ANKMY1: variants seen among roughly 807,000 people sequenced by gnomAD.
ANKMY1 encodes the protein ankyrin repeat and MYND domain containing 1, also known as ankyrin repeat and MYND domain-containing protein 1.
A neutral mutation model predicts 102.0 loss-of-function variants in ANKMY1; 98 were observed. The ratio of observed to expected loss-of-function variants is 0.96; its 90% CI spans 0.82 to 1.14. ANKMY1 has a LOEUF of 1.14. ANKMY1 is among the 50% of genes most tolerant of loss of function. ANKMY1 has a pLI of 0.00. For synonymous variants in ANKMY1, 582 were observed against 559.9 expected, an observed-to-expected ratio of 1.04 and a Z score of -0.56; for missense variants, 1,330 against 1,347.6, an observed-to-expected ratio of 0.99 and a Z score of 0.20.
intron 10 of ANKMY1, 150 bp from the exon 11 acceptor site, chr2:240,512,151 G>T: frequency 2.0e-6 from 2 of 996,450 alleles, no homozygotes; most frequent in Admixed American, 3.8e-5. Context: ...GACTTTGTTC[G>T]AGCCTCTCCC....
chr2:240,520,249 C>A lies in ANKMY1; in HGVS notation c.2004+113G>T. Reference sequence around the variant, plus strand: ...CGTCATCACTCACAGCCCAGGTGGTCGCCTGCAAGAGCCCACCCCTCTCTT... The same window carrying A: ...CGTCATCACTCACAGCCCAGGTGGTAGCCTGCAAGAGCCCACCCCTCTCTT... On this transcript the variant is annotated intron_variant, in intron 9 of 17. Transcript: ENST00000401804. The surrounding 1 kb of genome is among the most constrained non-coding windows in gnomAD (Gnocchi z 4.8). 1 of 1,453,132 alleles carries A rather than the reference C, an allele frequency of 6.9e-7. No homozygotes were observed. Among genetic ancestry groups the A allele is most frequent in the South Asian group, 1.3e-5 (1 of 78,316 alleles). 90.0% of individuals were successfully genotyped at this position (1,453,132 alleles called of 1,614,324 possible).
At chr2:240,509,876 C>A (rs923246318) in intron 11 of ANKMY1, among the ~76,000 whole-genome samples, 4 of 151,956 alleles carry the variant, frequency 2.6e-5, no homozygotes, top group Non-Finnish European at 5.9e-5. Context: ...TGTAAAGAGC[C>A]CCACCCTCGG....
At chr2:240,517,487 G>T (rs192054686) in intron 9 of ANKMY1, among the ~76,000 whole-genome samples, 1 of 152,068 alleles carries the variant, frequency 6.6e-6, no homozygotes, top group African/African-American at 2.4e-5. Context: ...AAATATTCCC[G>T]CAAAGCCAAC....
At chr2:240,473,350 G>T in the ANKMY1 span, among the ~76,000 whole-genome samples, 1 of 150,228 alleles carries the variant, frequency 6.7e-6, no homozygotes, top group Non-Finnish European at 1.5e-5. Context: ...GAACCAAATA[G>T]AAGTCCTAGA....
chr2:240,495,253 G>A (rs977458027), intron 15 of ANKMY1, among the ~76,000 whole-genome samples: 6 of 152,154 alleles, frequency 3.9e-5, no homozygotes, highest in Non-Finnish European at 8.8e-5. Context: ...GAAAGGTAAA[G>A]GGAGTCTCCC....
intron 9 of ANKMY1, among the ~76,000 whole-genome samples, chr2:240,515,022 A>C (rs1026314100): frequency 6.6e-6 from 1 of 152,250 alleles, no homozygotes; most frequent in Non-Finnish European, 1.5e-5. Context: ...CTTGTGAGAC[A>C]CAGGGCCAGA....
At chr2:240,486,546 A>C (rs544131083) in intron 15 of ANKMY1, among the ~76,000 whole-genome samples, 1 of 152,366 alleles carries the variant, frequency 6.6e-6, no homozygotes, top group Admixed American at 6.5e-5. Flanking sequence ...GAAGGCTATA[A>C]CAACCAATTC....
At chr2:240,490,781 G>C (rs1181479970) in intron 15 of ANKMY1, among the ~76,000 whole-genome samples, 2 of 152,096 alleles carry the variant, frequency 1.3e-5, no homozygotes, top group African/African-American at 4.8e-5. Context: ...TCCATGTGCT[G>C]ATGAAAAGAA....
Position 240,554,934 on chromosome 2 carries a change from T to C in ANKMY1, c.268A>G (p.Met90Val), listed in dbSNP as rs371270530. Residue 90 changes from methionine to valine, a missense_variant, in exon 3 of 18, where the codon ATG (methionine) becomes GTG (valine). Physicochemically the swap from Met to Val is conservative, Grantham distance 21 (BLOSUM62 1). Coordinates refer to ENST00000401804, the MANE Select transcript of ANKMY1 (RefSeq NM_001282771.3). ...QGVQEWQDGC[M>V]YQGEFGLNMK... ...TTCAACCCAAACTCCCCCTGGTACA[T>C]GCAACCATCCTGCCACTCCTGCACA... is the stretch of plus-strand genomic sequence containing the variant. 1 of 1,614,172 alleles carries C rather than the reference T, an allele frequency of 6.2e-7. No individual in the cohort carries two copies. Among genetic ancestry groups the C allele is most frequent in the Non-Finnish European group, 8.5e-7 (1 of 1,180,024 alleles).
upstream of ANKMY1, chr2:240,558,717 C>G (rs2092683056): frequency 6.6e-6 from 1 of 152,130 alleles, no homozygotes; most frequent in Non-Finnish European, 1.5e-5. Context: ...GAGCTGATGC[C>G]CTGGCCCTCC....
In ANKMY1 at chr2:240,500,564, A is replaced by G. The variant is rs751826711; in HGVS notation, c.2528T>C (p.Ile843Thr). The G allele has an allele frequency of 4.3e-6, 7 of 1,613,582 alleles. No individual in the cohort carries two copies. The highest frequency in any genetic ancestry group is 5.9e-6 in the Non-Finnish European group (7 of 1,179,532). Residue 843 changes from isoleucine (I) to threonine (T), a missense_variant and splice_region_variant, in exon 14 of 18, where the codon ATT becomes ACT. Ile to Thr is a moderately conservative substitution (Grantham distance 89, BLOSUM62 -1). Transcript: ENST00000401804. ...GGCCCCGTGACTGATGAGTCGGTCA[A>G]TCTGTGGAGAACAGAACCAGGTCAA... ...QRNMDSKLAL[I>T]DRLISHGADI...
chr2:240,557,864 C>A lies in ANKMY1; in HGVS notation c.-18+17G>T. On this transcript the variant is annotated intron_variant, in intron 1 of 17. Transcript: ENST00000401804. Reference sequence around the variant, plus strand: ...CCCCTAGCCCCGGCTCCCAGCGCTCCTGTCGCGAGACCGCACCAAGCAAGA... The same window carrying A: ...CCCCTAGCCCCGGCTCCCAGCGCTCATGTCGCGAGACCGCACCAAGCAAGA... The A allele has an allele frequency of 1.0e-6, 1 of 985,668 alleles. No homozygotes were observed. The highest frequency in any genetic ancestry group is 1.2e-6 in the Non-Finnish European group (1 of 830,038). The allele number at this position is 985,668 out of a possible 1,614,324, so 61.1% of individuals were successfully genotyped here. A position where few individuals can be genotyped will look rare whatever the true frequency, so the allele number is the denominator to read the frequency against.
chr2:240,560,594 C>T, upstream of ANKMY1: 7 of 1,331,552 alleles, frequency 5.3e-6, no homozygotes, highest in Non-Finnish European at 4.8e-6. Flanking sequence ...CCCGGCGGCC[C>T]GCCCGGCTCC....
chr2:240,526,144 A>C, intron 6 of ANKMY1, 85 bp downstream of exon 6: 1 of 1,500,522 alleles, frequency 6.7e-7, no homozygotes, highest in East Asian at 2.3e-5. Flanking sequence ...CTGCTCCTGC[A>C]GAGGGGGCCA....
At chr2:240,538,601 C>T (rs1299847372) in intron 4 of ANKMY1, among the ~76,000 whole-genome samples, 2 of 152,184 alleles carry the variant, frequency 1.3e-5, no homozygotes, top group Admixed American at 6.5e-5. Context: ...CAGGCGCCGC[C>T]CCCTGCTCCA....
intron 15 of ANKMY1, among the ~76,000 whole-genome samples, chr2:240,490,290 T>G (rs1044647183): frequency 8.5e-5 from 13 of 152,318 alleles, no homozygotes; most frequent in African/African-American, 3.1e-4. Flanking sequence ...CTCTGATCTT[T>G]ATCTATTTTC....
At chr2:240,547,548 C>T (rs1156431044) in intron 4 of ANKMY1, among the ~76,000 whole-genome samples, 3 of 143,232 alleles carry the variant, frequency 2.1e-5, no homozygotes, top group African/African-American at 7.8e-5. Context: ...CACAAAAAAC[C>T]CTTCAAAAAA....
At chr2:240,549,893 C>T (rs1267972050) in intron 4 of ANKMY1, among the ~76,000 whole-genome samples, 11 of 151,726 alleles carry the variant, frequency 7.2e-5, no homozygotes, top group African/African-American at 1.9e-4. Flanking sequence ...TGTGGAGAAA[C>T]AGGAACACTT....
At chr2:240,487,542 C>A (rs2076188676) in intron 15 of ANKMY1, among the ~76,000 whole-genome samples, 1 of 151,766 alleles carries the variant, frequency 6.6e-6, no homozygotes, top group African/African-American at 2.4e-5. Context: ...TTTTAGAAAT[C>A]TTCATACTGT....
Sources: allele counts gnomAD v4.1 joint callset (sites outside exome capture counted in the v4.1 genomes callset), GRCh38; gene constraint gnomAD v4.1.1; non-coding constraint Gnocchi (gnomAD v3.1); transcripts MANE v1.5; gene names NCBI Gene and HGNC (gene_info 2026-07-23, HGNC 2026-07-21).